The following TENM3 variants were observed in gnomAD, a reference collection of about 807,000 sequenced individuals.
TENM3 encodes teneurin-3.
Under a neutral mutation model 255.1 loss-of-function variants are expected in TENM3, and 63 were observed. The observed-to-expected ratio is 0.25, with a 90% confidence interval of 0.20 to 0.30. TENM3 has a LOEUF of 0.30. Ranked by LOEUF, TENM3 falls within the 10% of genes least tolerant of loss-of-function variation. The probability of loss-of-function intolerance (pLI) is 1.00; values close to 1 mark genes in which losing one functional copy is unlikely to be tolerated. For synonymous variants in TENM3, 1,306 were observed against 1,322.3 expected (o/e 0.99, Z 0.27); for missense variants, 2,929 against 3,461.1 (o/e 0.85, Z 3.86).
chr4:182,615,397 A>G (rs1749408412), intron 4 of TENM3, among the ~76,000 whole-genome samples: 1 of 152,146 alleles, frequency 6.6e-6, no homozygotes, highest in Non-Finnish European at 1.5e-5. Context: ...GCCCAAGGTA[A>G]AGTATCAACT....
the TENM3 span, among the ~76,000 whole-genome samples, chr4:181,973,469 A>G: frequency 1.3e-5 from 2 of 152,358 alleles, no homozygotes; most frequent in South Asian, 2.1e-4. Context: ...TCAGGCCTGC[A>G]ATCCCAGCTT....
intron 1 of TENM3, among the ~76,000 whole-genome samples, chr4:182,312,377 A>C (rs549691761): frequency 1.3e-5 from 2 of 152,282 alleles, no homozygotes; most frequent in South Asian, 4.1e-4. Flanking sequence ...ATAAAGAAAT[A>C]AAATAGAATA....
At chr4:182,071,998 C>T in the TENM3 span, among the ~76,000 whole-genome samples, 3 of 152,116 alleles carry the variant, frequency 2.0e-5, no homozygotes, top group Non-Finnish European at 4.4e-5. Context: ...CAACACATTG[C>T]GGAGAAATGT....
chr4:182,344,400 C>T (rs1293715499), intron 2 of TENM3, among the ~76,000 whole-genome samples: 2 of 151,958 alleles, frequency 1.3e-5, no homozygotes, highest in South Asian at 4.2e-4. Flanking sequence ...AGAGGGAAGT[C>T]GATGGAGGGA....
chr4:182,245,084 A>G (rs1487931750), intron 1 of TENM3, among the ~76,000 whole-genome samples: 1 of 152,150 alleles, frequency 6.6e-6, no homozygotes, highest in African/African-American at 2.4e-5. Flanking sequence ...AGGCTGTGCT[A>G]TTGTTTGTTT....
Position 182,789,136 on chromosome 4 carries a change from C to T in TENM3, c.5348C>T (p.Thr1783Ile). 6.2e-7 allele frequency: 1 copy of T among 1,611,988 alleles called. No individual in the cohort carries two copies. Among genetic ancestry groups the T allele is most frequent in the Non-Finnish European group, 8.5e-7 (1 of 1,178,682 alleles). Residue 1783 changes from threonine (T) to isoleucine (I), a missense_variant, in exon 25 of 28, where the codon ACA (threonine) becomes ATA (isoleucine). Physicochemically the swap from Thr to Ile is moderately conservative, Grantham distance 89 (BLOSUM62 -1). Coordinates refer to ENST00000511685, the MANE Select transcript of TENM3 (RefSeq NM_001080477.4). This position sits in a 1 kb window ranked among gnomAD's most constrained non-coding sequence, Gnocchi z 4.4. ...NLLSVDFDRT[T>I]KTEKIYDDHR... ...CTTTCAGTTGACTTTGATCGAACAA[C>T]AAAGACAGAAAAGATCTATGACGAC...
At chr4:182,519,732 A>G (rs1358443899) in intron 3 of TENM3, among the ~76,000 whole-genome samples, 1 of 152,192 alleles carries the variant, frequency 6.6e-6, no homozygotes, top group African/African-American at 2.4e-5. Flanking sequence ...ACATAATCCA[A>G]AGTATTGAGC....
chr4:182,418,439 T>A (rs544364317), intron 3 of TENM3, among the ~76,000 whole-genome samples: 3 of 151,970 alleles, frequency 2.0e-5, no homozygotes, highest in Non-Finnish European at 4.4e-5. Flanking sequence ...ACAGAAGTGA[T>A]CAAACCTGCA....
chr4:182,451,236 G>T (rs977206350), intron 3 of TENM3, among the ~76,000 whole-genome samples: 1 of 152,002 alleles, frequency 6.6e-6, no homozygotes. Context: ...TGGCTGTTGC[G>T]TCACGTTTCT....
chr4:182,250,797 A>C (rs1757962777), intron 1 of TENM3, among the ~76,000 whole-genome samples: 1 of 152,240 alleles, frequency 6.6e-6, no homozygotes, highest in South Asian at 2.1e-4. Context: ...AAAAACATTC[A>C]CACTGTAGAA....
chr4:182,574,165 G>A (rs554822552), intron 3 of TENM3, among the ~76,000 whole-genome samples: 68 of 152,016 alleles, frequency 4.5e-4, no homozygotes, highest in African/African-American at 1.4e-3. Context: ...TGGAAATTTC[G>A]TTTGGTTATG....
chr4:182,688,193 A>G lies in TENM3; in HGVS notation c.2063A>G (p.His688Arg), dbSNP rs1339361904. Residue 688 changes from histidine (H) to arginine (R), a missense_variant, in exon 12 of 28, where the codon CAC becomes CGC. Transcript: ENST00000511685. ...ATATGTTCTGTGGACTGTGGCTCAC[A>G]CGGCGTTTGCATGGGGGGGACGTGT... ...NEICSVDCGS[H>R]GVCMGGTCRC... 2 of 1,612,546 alleles carry G rather than the reference A, an allele frequency of 1.2e-6. No individual in the cohort carries two copies. The highest frequency in any genetic ancestry group is 1.7e-5 in the Admixed American group (1 of 59,794).
chr4:181,611,278 A>G, the TENM3 span, among the ~76,000 whole-genome samples: 1 of 152,230 alleles, frequency 6.6e-6, no homozygotes, highest in Admixed American at 6.5e-5. Context: ...CTGAAGCACA[A>G]AAGATATCCT....
At chr4:181,625,826 T>A in the TENM3 span, among the ~76,000 whole-genome samples, 1,744 of 137,404 alleles carry the variant, frequency 0.013, 16 homozygotes, top group South Asian at 0.023. Flanking sequence ...AAAAAAATAA[T>A]AATAATAACA....
At chr4:182,276,488 G>A (rs147375345) in intron 1 of TENM3, among the ~76,000 whole-genome samples, 1 of 152,192 alleles carries the variant, frequency 6.6e-6, no homozygotes. Context: ...ATGCGAACCT[G>A]TCTCCAGAGG....
chr4:182,161,829 A>ACATATGTG (rs1491524974), intron 1 of TENM3, among the ~76,000 whole-genome samples: 1 of 23,514 alleles, frequency 4.3e-5, no homozygotes, highest in African/African-American at 1.8e-4. Flanking sequence ...ATATATACAC[A>ACATATGTG]TATATATGTG....
chr4:181,888,396 C>T, the TENM3 span, among the ~76,000 whole-genome samples: 6 of 149,796 alleles, frequency 4.0e-5, no homozygotes, highest in Admixed American at 1.3e-4. Context: ...TGTAGGTAAA[C>T]GTTTAGATAG....
the TENM3 span, chr4:181,976,126 C>T: frequency 6.6e-6 from 1 of 152,142 alleles, no homozygotes; most frequent in Non-Finnish European, 1.5e-5. Context: ...TTTAATATGA[C>T]CATTGTTTTT....
the TENM3 span, among the ~76,000 whole-genome samples, chr4:182,058,169 G>GT: frequency 9.0e-6 from 1 of 110,586 alleles, no homozygotes; most frequent in Non-Finnish European, 1.8e-5. Context: ...TGGGGTGGGG[G>GT]GGGGCAATTT....
Sources: allele counts gnomAD v4.1 joint callset (sites outside exome capture counted in the v4.1 genomes callset), GRCh38; gene constraint gnomAD v4.1.1; non-coding constraint Gnocchi (gnomAD v3.1); transcripts MANE v1.5; gene names NCBI Gene and HGNC (gene_info 2026-07-23, HGNC 2026-07-21).